Variants in NTM observed in about 807,000 individuals in gnomAD.
The protein encoded by NTM is IgLON family member 2.
A neutral mutation model predicts 42.1 loss-of-function variants in NTM; 13 were observed. The observed-to-expected ratio is 0.31, with a 90% CI of 0.20 to 0.49. NTM has a LOEUF of 0.49. Ranked by LOEUF, NTM falls within the 20% of genes least tolerant of loss-of-function variation. The pLI is 0.99. For missense variants in NTM, 373 were observed against 452.8 expected (o/e 0.82, Z 1.60); for synonymous variants, 187 against 179.2 (o/e 1.04, Z -0.35).
At chr11:132,151,667 G>A (rs1323005782) in intron 3 of NTM, among the ~76,000 whole-genome samples, 2 of 152,306 alleles carry the variant, frequency 1.3e-5, no homozygotes, top group African/African-American at 2.4e-5. Flanking sequence ...TTGCTGGGCA[G>A]AATTAATCTG....
intron 1 of NTM, among the ~76,000 whole-genome samples, chr11:131,817,257 T>G (rs890548954): frequency 2.0e-5 from 3 of 152,230 alleles, no homozygotes; most frequent in African/African-American, 7.2e-5. Context: ...ATTAATTATG[T>G]ATTTCATTCA....
chr11:131,990,515 G>GTGTGTGTGTGTCTATAA (rs1424065129), intron 2 of NTM, among the ~76,000 whole-genome samples: 6 of 151,948 alleles, frequency 3.9e-5, no homozygotes, highest in African/African-American at 1.2e-4. Flanking sequence ...GTTTGCATGT[G>GTGTGTGTGTGTCTATAA]TGTGTGTGTG....
intron 1 of NTM, among the ~76,000 whole-genome samples, chr11:131,910,335 C>A (rs369414308): frequency 2.0e-5 from 3 of 152,286 alleles, no homozygotes; most frequent in Non-Finnish European, 2.9e-5. Context: ...AAGTCTGAGG[C>A]TGATTAAGGC....
At chr11:132,330,096 G>C (rs2095769706) in intron 7 of NTM, 57 bp from the exon 8 acceptor site, 2 of 1,547,978 alleles carry the variant, frequency 1.3e-6, no homozygotes, top group East Asian at 2.4e-5. Flanking sequence ...TGAGGGCAAA[G>C]TGAGCATCTC....
chr11:131,597,138 A>C (rs1373592585), intron 1 of NTM, among the ~76,000 whole-genome samples: 1 of 152,094 alleles, frequency 6.6e-6, no homozygotes, highest in African/African-American at 2.4e-5. Flanking sequence ...ACGCCCTCAC[A>C]CACACACCCA....
At chr11:131,699,860 T>C (rs2075880199) in intron 1 of NTM, among the ~76,000 whole-genome samples, 2 of 150,636 alleles carry the variant, frequency 1.3e-5, no homozygotes, top group Non-Finnish European at 2.9e-5. Flanking sequence ...CAATTCAAGA[T>C]AGATTTGGGT....
At chr11:131,570,641 G>A (rs1222666320) in intron 1 of NTM, among the ~76,000 whole-genome samples, 6 of 152,076 alleles carry the variant, frequency 3.9e-5, no homozygotes, top group African/African-American at 1.4e-4. Flanking sequence ...TGGCCAACAT[G>A]GTGAAACCTC....
At chr11:132,237,379 C>A (rs1200072702) in intron 4 of NTM, among the ~76,000 whole-genome samples, 1 of 152,130 alleles carries the variant, frequency 6.6e-6, no homozygotes, top group East Asian at 1.9e-4. Flanking sequence ...CTCGGTACGT[C>A]ACAGTGATCC....
rs1040557240 is a variant in NTM, at chr11:132,161,543, T to G, written c.400+15029T>G. ...TCTCACGCATCGCCAACCCCGTTTT[T>G]CATGTTGACCTTCGATTCCGGGCAC... On this transcript the variant is annotated intron_variant, in intron 3 of 8. Transcript: ENST00000683400. 6.6e-5 allele frequency among the ~76,000 whole-genome samples: 10 copies of G among 152,094 alleles called. No homozygotes were observed. In the South Asian group the frequency reaches 2.1e-3, roughly 32 times the overall value.
chr11:131,875,185 A>G (rs2048357762), intron 1 of NTM, among the ~76,000 whole-genome samples: 1 of 152,230 alleles, frequency 6.6e-6, no homozygotes, highest in East Asian at 1.9e-4. Flanking sequence ...CTCACTGTCT[A>G]TCCTTCCTCA....
intron 1 of NTM, among the ~76,000 whole-genome samples, chr11:131,384,297 C>CA (rs1305085285): frequency 2.6e-5 from 4 of 152,032 alleles, no homozygotes; most frequent in Non-Finnish European, 4.4e-5. Flanking sequence ...AGCAGATTGA[C>CA]AAAAAGTGGA....
intron 2 of NTM, among the ~76,000 whole-genome samples, chr11:132,123,097 C>G (rs1027273577): frequency 1.1e-4 from 17 of 152,216 alleles, no homozygotes; most frequent in African/African-American, 1.9e-4. Flanking sequence ...CTGCATCTCA[C>G]TCCCCCTTTG....
At chr11:131,690,317 G>A (rs2074491801) in intron 1 of NTM, among the ~76,000 whole-genome samples, 1 of 152,200 alleles carries the variant, frequency 6.6e-6, no homozygotes, top group South Asian at 2.1e-4. Flanking sequence ...TCTCCCAGGG[G>A]GATGCATGTA....
intron 4 of NTM, among the ~76,000 whole-genome samples, chr11:132,273,990 TTAATC>T (rs2093612441): frequency 6.6e-6 from 1 of 152,208 alleles, no homozygotes; most frequent in Admixed American, 6.5e-5. Flanking sequence ...ATTTGTCCAT[TTAATC>T]TAAGTGATCT....
intron 1 of NTM, chr11:131,910,913 C>T: frequency 3.0e-6 from 3 of 987,030 alleles, no homozygotes; most frequent in African/African-American, 1.7e-5. Context: ...GCGGCCGTCT[C>T]CTCCGCGCGC....
At chr11:132,315,302 C>T (rs895923) in intron 7 of NTM, among the ~76,000 whole-genome samples, 4,189 of 152,216 alleles carry the variant, frequency 0.028, 207 homozygotes, top group African/African-American at 0.095. Flanking sequence ...AGAAAGTGAG[C>T]GAGCTCCCTT....
At chr11:132,104,236 C>G (rs1167162982) in intron 2 of NTM, among the ~76,000 whole-genome samples, 1 of 152,126 alleles carries the variant, frequency 6.6e-6, no homozygotes, top group Non-Finnish European at 1.5e-5. Context: ...GTGCATGCAA[C>G]AGGCTGTGCC....
At chr11:132,085,680 C>G (rs1044669671) in intron 2 of NTM, among the ~76,000 whole-genome samples, 13 of 152,100 alleles carry the variant, frequency 8.5e-5, no homozygotes, top group Non-Finnish European at 1.8e-4. Context: ...TTAATTAGAG[C>G]TCTTTTTTAT....
At chr11:131,480,898 C>A (rs1392745666) in intron 1 of NTM, among the ~76,000 whole-genome samples, 1 of 151,980 alleles carries the variant, frequency 6.6e-6, no homozygotes, top group African/African-American at 2.4e-5. Flanking sequence ...AAAATTTGGG[C>A]TGAAAAATAT....
Sources: allele counts gnomAD v4.1 joint callset (sites outside exome capture counted in the v4.1 genomes callset), GRCh38; gene constraint gnomAD v4.1.1; transcripts MANE v1.5; gene names NCBI Gene and HGNC (gene_info 2026-07-23, HGNC 2026-07-21).